MGST1: variants seen among roughly 807,000 people sequenced by gnomAD.
MGST1 encodes the protein microsomal glutathione S-transferase 1.
In MGST1, 5 loss-of-function variants were observed where a neutral mutation model predicts 8.9. That is an observed-to-expected ratio of 0.56 (90% CI 0.29 to 1.19). The LOEUF (loss-of-function observed/expected upper bound fraction) is 1.19, where lower values mean the gene tolerates loss of function less well. MGST1 is among the 50% of genes most tolerant of loss of function. The pLI is 0.08. For synonymous variants in MGST1, 54 were observed against 67.8 expected, an observed-to-expected ratio of 0.80 and a Z score of 1.00; for missense variants, 182 against 187.4, an observed-to-expected ratio of 0.97 and a Z score of 0.17.
intron 4 of MGST1, among the ~76,000 whole-genome samples, chr12:16,521,925 C>G (rs1038571769): frequency 1.4e-5 from 2 of 143,928 alleles, no homozygotes; most frequent in African/African-American, 5.2e-5. Flanking sequence ...ACTGATCTAT[C>G]CTGAAGAATA....
At chr12:16,396,475 C>T (rs928933029) in intron 1 of MGST1, among the ~76,000 whole-genome samples, 9 of 152,030 alleles carry the variant, frequency 5.9e-5, no homozygotes, top group East Asian at 3.9e-4. Flanking sequence ...GTATCCAAAT[C>T]GGTAAAGAGG....
intron 4 of MGST1, among the ~76,000 whole-genome samples, chr12:16,492,408 G>A (rs1025519910): frequency 2.0e-5 from 3 of 152,086 alleles, no homozygotes; most frequent in Admixed American, 6.6e-5. Flanking sequence ...ACATTAGCGC[G>A]GTTTGTGTTA....
chr12:16,572,339 CTT>C (rs59773866), intron 4 of MGST1, among the ~76,000 whole-genome samples: 3,317 of 89,376 alleles, frequency 0.037, 33 homozygotes, highest in African/African-American at 0.13. Flanking sequence ...GGTCCAAACT[CTT>C]TTTTTTTTTT....
chr12:16,513,852 G>T lies in MGST1; in HGVS notation n.483-75676G>T. 1 of 610,644 alleles carries T rather than the reference G, an allele frequency of 1.6e-6. No homozygotes were observed. The highest frequency in any genetic ancestry group is 3.2e-6 in the Non-Finnish European group (1 of 315,654). 37.8% of individuals were successfully genotyped at this position (610,644 alleles called of 1,614,324 possible). A position where few individuals can be genotyped will look rare whatever the true frequency, so the allele number is the denominator to read the frequency against. ...TTAAGTTCAGCCAAGATGTCTTTCTGCCCAAACCAACCTGGGGAAGTCGCA... is the reference window on the plus strand; with the variant it reads ...TTAAGTTCAGCCAAGATGTCTTTCTTCCCAAACCAACCTGGGGAAGTCGCA... On this transcript the variant is annotated intron_variant and non_coding_transcript_variant, in intron 4 of 4. Coordinates refer to the MGST1 transcript ENST00000538857. This position sits in a 1 kb window ranked among gnomAD's most constrained non-coding sequence, Gnocchi z 4.2.
Position 16,363,780 on chromosome 12 carries a change from T to C in MGST1, c.222-15T>C. The C allele has an allele frequency of 1.3e-6, 2 of 1,577,212 alleles. No homozygotes were observed. Among genetic ancestry groups the C allele is most frequent in the Non-Finnish European group, 1.7e-6 (2 of 1,155,432 alleles). ...TTTTGAAATTAGTGTCTTTAATAGTTATCTTTTTCCACAGAGCCCACCTGA... is the reference window on the plus strand; with the variant it reads ...TTTTGAAATTAGTGTCTTTAATAGTCATCTTTTTCCACAGAGCCCACCTGA... On this transcript the variant is annotated splice_polypyrimidine_tract_variant and intron_variant, in intron 3 of 3. Transcript: ENST00000396210. This position sits in a 1 kb window ranked among gnomAD's most constrained non-coding sequence, Gnocchi z 4.6.
exon 4 of MGST1, chr12:16,376,145 A>G (rs1364639489): frequency 1.6e-6 from 2 of 1,288,856 alleles, no homozygotes; most frequent in Non-Finnish European, 2.1e-6. Flanking sequence ...CTGAGCATTT[A>G]TCTTGCCTCT....
At chr12:16,507,706 A>G (rs538788948) in intron 4 of MGST1, among the ~76,000 whole-genome samples, 1 of 152,158 alleles carries the variant, frequency 6.6e-6, no homozygotes, top group East Asian at 1.9e-4. Context: ...AGCAGGAGAC[A>G]GAGAGAGAAG....
Position 16,560,754 on chromosome 12 carries a change from A to G in MGST1, n.483-28774A>G, listed in dbSNP as rs773361894. On this transcript the variant is annotated intron_variant and non_coding_transcript_variant, in intron 4 of 4. Coordinates refer to the MGST1 transcript ENST00000538857. This position sits in a 1 kb window ranked among gnomAD's most constrained non-coding sequence, Gnocchi z 5.0. ...GAAAATCACATCTTGTTTGAGAAGA[A>G]AAGGAAAAGACAAATACATTAGGAA... The G allele has an allele frequency of 1.7e-6, 1 of 582,556 alleles. No homozygotes were observed. The highest frequency in any genetic ancestry group is 2.5e-5 in the Admixed American group (1 of 40,090). The allele number at this position is 582,556 out of a possible 1,614,324, so 36.1% of individuals were successfully genotyped here.
At chr12:16,432,103 T>C (rs987209318) in intron 1 of MGST1, among the ~76,000 whole-genome samples, 4 of 152,172 alleles carry the variant, frequency 2.6e-5, no homozygotes, top group South Asian at 2.1e-4. Context: ...ATCCTTCACA[T>C]TGAATGGCTA....
downstream of MGST1, among the ~76,000 whole-genome samples, chr12:16,368,075 C>T (rs1213018510): frequency 6.6e-6 from 1 of 152,104 alleles, no homozygotes; most frequent in Non-Finnish European, 1.5e-5. Context: ...GGTAATTGTA[C>T]AATCTCTGAT....
At chr12:16,578,947 G>T (rs567669607) in intron 4 of MGST1, among the ~76,000 whole-genome samples, 62 of 152,168 alleles carry the variant, frequency 4.1e-4, no homozygotes, top group African/African-American at 1.4e-3. Context: ...AAAAAGAAAA[G>T]AAAAAGTTCT....
At chr12:16,423,440 T>A (rs950961700) in intron 1 of MGST1, among the ~76,000 whole-genome samples, 1 of 147,822 alleles carries the variant, frequency 6.8e-6, no homozygotes. Flanking sequence ...ACAAAAAAAA[T>A]TCTTGTTGTC....
chr12:16,433,075 G>A (rs879787781), intron 1 of MGST1, among the ~76,000 whole-genome samples: 16 of 152,052 alleles, frequency 1.1e-4, no homozygotes, highest in Non-Finnish European at 1.8e-4. Flanking sequence ...ACATTAGGCC[G>A]TCTGCAAGCT....
intron 4 of MGST1, among the ~76,000 whole-genome samples, chr12:16,456,469 T>C (rs1193113229): frequency 2.0e-5 from 3 of 151,880 alleles, no homozygotes; most frequent in Non-Finnish European, 4.4e-5. Context: ...AAATATTCTA[T>C]CCAAGTACAT....
At chr12:16,475,018 G>C (rs1010175568) in intron 4 of MGST1, among the ~76,000 whole-genome samples, 5 of 152,178 alleles carry the variant, frequency 3.3e-5, no homozygotes, top group Non-Finnish European at 5.9e-5. Context: ...ATCTCAGGGA[G>C]AGTCTAAATT....
At chr12:16,366,756 C>G (rs1202593298), downstream of MGST1, among the ~76,000 whole-genome samples, 1 of 152,032 alleles carries the variant, frequency 6.6e-6, no homozygotes, top group Admixed American at 6.6e-5. The surrounding 1 kb of genome is among the most constrained non-coding windows in gnomAD (Gnocchi z 4.0). Flanking sequence ...ACCACCATCT[C>G]CCTTCATTCA....
intron 1 of MGST1, among the ~76,000 whole-genome samples, chr12:16,422,104 A>C (rs1940842409): frequency 6.6e-6 from 1 of 152,118 alleles, no homozygotes; most frequent in Non-Finnish European, 1.5e-5. Context: ...ATTTGTCAGA[A>C]CTGGGGTGAT....
At chr12:16,396,701 A>G (rs767676895) in intron 1 of MGST1, among the ~76,000 whole-genome samples, 1 of 152,180 alleles carries the variant, frequency 6.6e-6, no homozygotes, top group South Asian at 2.1e-4. Flanking sequence ...GCAAAAAAAT[A>G]AAAAATACTT....
At chr12:16,519,067 G>A (rs1431987996) in intron 4 of MGST1, among the ~76,000 whole-genome samples, 3 of 152,172 alleles carry the variant, frequency 2.0e-5, no homozygotes, top group Non-Finnish European at 2.9e-5. Context: ...AAAGAGCTCA[G>A]GCTCTGGAAC....
Sources: allele counts gnomAD v4.1 joint callset (sites outside exome capture counted in the v4.1 genomes callset), GRCh38; gene constraint gnomAD v4.1.1; non-coding constraint Gnocchi (gnomAD v3.1); transcripts MANE v1.5; gene names NCBI Gene and HGNC (gene_info 2026-07-23, HGNC 2026-07-21).